Variants in KLRG2 observed in about 807,000 individuals in gnomAD.
KLRG2 encodes the protein killer cell lectin like receptor G2, also known as killer cell lectin-like receptor subfamily G member 2.
Under a neutral mutation model 35.4 loss-of-function variants are expected in KLRG2, and 39 were observed. That is an observed-to-expected ratio of 1.10 (90% CI 0.85 to 1.44). KLRG2 has a LOEUF of 1.44. Ranked by LOEUF, KLRG2 falls within the 40% of genes most tolerant of loss-of-function variation. The pLI, the probability that KLRG2 is intolerant of heterozygous loss-of-function variation, is 0.00. For missense variants in KLRG2, 632 were observed against 570.9 expected (o/e 1.11, Z -1.09); for synonymous variants, 283 against 265.8 (o/e 1.06, Z -0.63).
At chr7:139,480,356 C>A in intron 1 of KLRG2, 109 bp from the exon 2 acceptor site, 1 of 650,116 alleles carries the variant, frequency 1.5e-6, no homozygotes, top group Non-Finnish European at 2.8e-6. Context: ...CACCCCAGCA[C>A]CCACCCCCTC....
chr7:139,434,484 C>T, the KLRG2 span, among the ~76,000 whole-genome samples: 1 of 152,202 alleles, frequency 6.6e-6, no homozygotes, highest in South Asian at 2.1e-4. Context: ...GTTGCTGGGG[C>T]CAAAGCCTGC....
At chr7:139,455,473 C>T (rs1192097627) in intron 3 of KLRG2, among the ~76,000 whole-genome samples, 1 of 152,078 alleles carries the variant, frequency 6.6e-6, no homozygotes, top group Non-Finnish European at 1.5e-5. Context: ...AGGCACCCGC[C>T]ACCATGCCTG....
the KLRG2 span, among the ~76,000 whole-genome samples, chr7:139,430,338 G>A: frequency 6.6e-6 from 1 of 152,034 alleles, no homozygotes; most frequent in African/African-American, 2.4e-5. Context: ...GGAGGCAGAG[G>A]TTGTGGTGAG....
chr7:139,428,657 GAA>G, the KLRG2 span, among the ~76,000 whole-genome samples: 58,225 of 151,934 alleles, frequency 0.38, 15,553 homozygotes, highest in African/African-American at 0.76. Flanking sequence ...AAAGGAGACT[GAA>G]GAGATGATAA....
intron 3 of KLRG2, among the ~76,000 whole-genome samples, chr7:139,459,879 G>A (rs971156794): frequency 2.6e-5 from 4 of 151,936 alleles, no homozygotes; most frequent in Non-Finnish European, 5.9e-5. Flanking sequence ...AGCCTCCCAA[G>A]TAGCTGGAAC....
intron 3 of KLRG2, among the ~76,000 whole-genome samples, chr7:139,471,886 T>C (rs184407960): frequency 6.6e-6 from 1 of 152,006 alleles, no homozygotes; most frequent in East Asian, 1.9e-4. Context: ...AGGAGGTGTG[T>C]GTCTCAGAGA....
chr7:139,454,297 A>T, intron 3 of KLRG2, 83 bp from the exon 4 acceptor site: 1 of 714,342 alleles, frequency 1.4e-6, no homozygotes, highest in East Asian at 2.7e-5. Context: ...GGGCTTCCAC[A>T]GGATCCCAGC....
At chr7:139,431,519 T>C in the KLRG2 span, among the ~76,000 whole-genome samples, 2 of 151,678 alleles carry the variant, frequency 1.3e-5, no homozygotes, top group African/African-American at 4.9e-5. Flanking sequence ...ACCAGGAAAA[T>C]TGGGAAAGAC....
intron 3 of KLRG2, among the ~76,000 whole-genome samples, chr7:139,474,715 C>T (rs544178387): frequency 6.6e-6 from 1 of 151,950 alleles, no homozygotes; most frequent in African/African-American, 2.4e-5. Flanking sequence ...GAGCTGAGAT[C>T]GCCCCACTGC....
chr7:139,465,637 A>G (rs1474414890), intron 3 of KLRG2, among the ~76,000 whole-genome samples: 2 of 150,246 alleles, frequency 1.3e-5, no homozygotes, highest in Non-Finnish European at 3.0e-5. Context: ...GCTTGCGGTG[A>G]GCCGAGATGG....
downstream of KLRG2, chr7:139,452,599 G>C (rs1307883750): frequency 6.6e-6 from 1 of 152,192 alleles, no homozygotes; most frequent in Non-Finnish European, 1.5e-5. Flanking sequence ...TTGAGGGAAG[G>C]CTGGCTTGCA....
Position 139,467,422 on chromosome 7 carries a change from C to A in KLRG2, c.1005+12205G>T, listed in dbSNP as rs112842605. 1.9e-4 allele frequency among the ~76,000 whole-genome samples: 29 copies of A among 152,236 alleles called. 1 individual carries two copies. Among genetic ancestry groups the A allele is most frequent in the African/African-American group, 5.8e-4 (24 of 41,534 alleles). ...CTATTCCTTGTGGGGAAAAGAAAGA[C>A]AGATCAGATTGTTACTGTGTCTGTG... On this transcript the variant is annotated intron_variant, in intron 3 of 4. Coordinates refer to ENST00000340940, the MANE Select transcript of KLRG2 (RefSeq NM_198508.4).
rs182958506 is a variant in KLRG2, at chr7:139,457,677, A to G, written c.1006-3463T>C. On this transcript the variant is annotated intron_variant, in intron 3 of 4. Coordinates refer to ENST00000340940, the MANE Select transcript of KLRG2 (RefSeq NM_198508.4). ...ACCCTGTCCTTCTGTCAGAGCCCCAAGCTATCTGCCTCTCTCACCCTTCCC... is the reference window on the plus strand; with the variant it reads ...ACCCTGTCCTTCTGTCAGAGCCCCAGGCTATCTGCCTCTCTCACCCTTCCC... Among the ~76,000 whole-genome samples the G allele has an allele frequency of 1.2e-3, 180 of 152,188 alleles. 1 individual carries two copies. The highest frequency in any genetic ancestry group is 4.8e-3 in the East Asian group (25 of 5,170).
At chr7:139,438,677 A>ATT in the KLRG2 span, among the ~76,000 whole-genome samples, 3,251 of 142,774 alleles carry the variant, frequency 0.023, 157 homozygotes, top group African/African-American at 0.077. Flanking sequence ...CATTTTGGCA[A>ATT]TTTTTTTTTT....
intron 4 of KLRG2, 127 bp from the exon 5 acceptor site, chr7:139,453,834 T>A: frequency 8.9e-7 from 1 of 1,120,392 alleles, no homozygotes; most frequent in Non-Finnish European, 1.3e-6. Flanking sequence ...GTCACTGCAC[T>A]GGTCAGCCAC....
downstream of KLRG2, among the ~76,000 whole-genome samples, chr7:139,450,122 A>C (rs1018315542): frequency 2.0e-5 from 3 of 151,214 alleles, no homozygotes; most frequent in African/African-American, 7.3e-5. Context: ...GCCTCACTGC[A>C]ACCTCTGCCT....
the KLRG2 span, among the ~76,000 whole-genome samples, chr7:139,436,972 T>C: frequency 1.3e-3 from 203 of 152,266 alleles, 2 homozygotes; most frequent in African/African-American, 4.6e-3. Context: ...ACCCGGACTG[T>C]GTGTGCAAGG....
the KLRG2 span, among the ~76,000 whole-genome samples, chr7:139,446,632 C>T: frequency 2.0e-5 from 3 of 152,116 alleles, no homozygotes; most frequent in Admixed American, 6.5e-5. Context: ...TGAGCCACCG[C>T]GCCCAGCCTC....
the KLRG2 span, among the ~76,000 whole-genome samples, chr7:139,431,033 T>A: frequency 0.38 from 53,918 of 141,698 alleles, 14,401 homozygotes; most frequent in African/African-American, 0.76. Context: ...AAAAAAAAGG[T>A]TAAATTGTGA....
Sources: gnomAD v4.1 joint callset for allele counts (sites outside exome capture counted in the v4.1 genomes callset) on GRCh38, gnomAD v4.1.1 for gene constraint, MANE v1.5 for transcripts, NCBI Gene and HGNC (gene_info 2026-07-23, HGNC 2026-07-21) for gene names.